Variants in SGTB observed in about 807,000 individuals in gnomAD.
The protein encoded by SGTB is small glutamine rich tetratricopeptide repeat co-chaperone beta, also known as small glutamine-rich tetratricopeptide repeat-containing protein beta.
A neutral mutation model predicts 43.9 loss-of-function variants in SGTB; 19 were observed. The ratio of observed to expected loss-of-function variants is 0.43; its 90% confidence interval spans 0.30 to 0.63. SGTB has a LOEUF of 0.63. SGTB is among the 30% of genes least tolerant of loss of function. The probability of loss-of-function intolerance (pLI) is 0.12; values close to 1 mark genes in which losing one functional copy is unlikely to be tolerated. For missense variants in SGTB, 304 were observed against 358.9 expected (o/e 0.85, Z 1.24); for synonymous variants, 116 against 117.3 (o/e 0.99, Z 0.07).
At chr5:65,720,387 T>C (rs1323687533) in intron 2 of SGTB, among the ~76,000 whole-genome samples, 1 of 152,126 alleles carries the variant, frequency 6.6e-6, no homozygotes, top group Admixed American at 6.6e-5. Context: ...TGGCCCTGGT[T>C]TTATTTTCTC....
chr5:65,696,558 T>C (rs1237945105), intron 5 of SGTB, among the ~76,000 whole-genome samples: 1 of 152,160 alleles, frequency 6.6e-6, no homozygotes, highest in African/African-American at 2.4e-5. Flanking sequence ...ATTGGCTGAA[T>C]TCCTACAAGG....
At chr5:65,698,133 C>T (rs985411508) in intron 5 of SGTB, among the ~76,000 whole-genome samples, 2 of 152,054 alleles carry the variant, frequency 1.3e-5, no homozygotes, top group African/African-American at 2.4e-5. Flanking sequence ...CCATGCCTGG[C>T]TAGGATGGTA....
At chr5:65,686,596 C>T (rs1757504648) in intron 5 of SGTB, among the ~76,000 whole-genome samples, 1 of 151,652 alleles carries the variant, frequency 6.6e-6, no homozygotes, top group East Asian at 1.9e-4. Flanking sequence ...TGGGCTCATG[C>T]TATCCTCCCG....
chr5:65,680,655 C>G lies in SGTB; in HGVS notation c.618+1G>C. ...TCACTCATTTGGCATTAACAACTTACAGGACTGGATACCTCTCTTAACTTC... is the reference window on the plus strand; with the variant it reads ...TCACTCATTTGGCATTAACAACTTAGAGGACTGGATACCTCTCTTAACTTC... On this transcript the variant is annotated splice_donor_variant, in intron 7 of 10. Coordinates refer to ENST00000381007, the MANE Select transcript of SGTB (RefSeq NM_019072.3). LOFTEE classifies it high-confidence loss of function. 1 of 1,613,932 alleles carries G rather than the reference C, an allele frequency of 6.2e-7. No individual in the cohort carries two copies. Among genetic ancestry groups the G allele is most frequent in the Non-Finnish European group, 8.5e-7 (1 of 1,179,958 alleles).
chr5:65,718,867 C>A (rs1257346959), intron 2 of SGTB, among the ~76,000 whole-genome samples: 1 of 152,126 alleles, frequency 6.6e-6, no homozygotes, highest in African/African-American at 2.4e-5. Flanking sequence ...AAAAAAAACC[C>A]TCAATTTTCT....
In SGTB at chr5:65,666,003, T is replaced by C. The variant is rs920803389; in HGVS notation, c.*4243A>G. 3 of 152,552 alleles carry C rather than the reference T, an allele frequency of 2.0e-5. No homozygotes were observed. The highest frequency in any genetic ancestry group is 2.9e-5 in the Non-Finnish European group (2 of 67,978). The allele number at this position is 152,552 out of a possible 1,614,324, so 9.4% of individuals were successfully genotyped here. A position where few individuals can be genotyped will look rare whatever the true frequency, so the allele number is the denominator to read the frequency against. ...AAAATGAAAGCTATATTCAGAAGGTTTGCACCTCAAAATTGAGTAATAATT... is the reference window on the plus strand; with the variant it reads ...AAAATGAAAGCTATATTCAGAAGGTCTGCACCTCAAAATTGAGTAATAATT... On this transcript the variant is annotated 3_prime_UTR_variant, in exon 11 of 11. Transcript: ENST00000381007.
intron 6 of SGTB, 94 bp downstream of exon 6, chr5:65,685,274 G>T: frequency 9.7e-7 from 1 of 1,033,322 alleles, no homozygotes; most frequent in Non-Finnish European, 1.5e-6. Flanking sequence ...AGTTCAGAGG[G>T]TAAAACATTA....
intron 4 of SGTB, among the ~76,000 whole-genome samples, chr5:65,708,046 T>C: frequency 6.6e-6 from 1 of 152,328 alleles, no homozygotes; most frequent in Non-Finnish European, 1.5e-5. Context: ...TAGTATAAAA[T>C]TTAATAATGT....
chr5:65,709,032 C>A (rs1437084931), intron 3 of SGTB, among the ~76,000 whole-genome samples: 2 of 110,034 alleles, frequency 1.8e-5, no homozygotes, highest in Non-Finnish European at 3.9e-5. Flanking sequence ...CAGAGCCAGA[C>A]CCTGTCTCAA....
chr5:65,715,839 G>A (rs1758136627), intron 2 of SGTB, among the ~76,000 whole-genome samples: 1 of 152,172 alleles, frequency 6.6e-6, no homozygotes, highest in Non-Finnish European at 1.5e-5. Flanking sequence ...GCGTAATCTT[G>A]GCTCACTGTA....
intron 5 of SGTB, among the ~76,000 whole-genome samples, chr5:65,690,012 A>G (rs1274359277): frequency 6.6e-6 from 1 of 152,064 alleles, no homozygotes; most frequent in East Asian, 1.9e-4. Context: ...ACAAAGTAAC[A>G]GCAGGACAAG....
intron 8 of SGTB, among the ~76,000 whole-genome samples, chr5:65,674,438 A>G (rs1210818998): frequency 6.6e-6 from 1 of 152,198 alleles, no homozygotes; most frequent in Non-Finnish European, 1.5e-5. Flanking sequence ...TCATCAGTAC[A>G]GTAACTGCCC....
At chr5:65,686,969 G>A (rs1199679996) in intron 5 of SGTB, among the ~76,000 whole-genome samples, 1 of 152,070 alleles carries the variant, frequency 6.6e-6, no homozygotes, top group Non-Finnish European at 1.5e-5. Context: ...TACAAATACT[G>A]GATGTACATA....
chr5:65,679,768 A>G (rs1334494419), intron 8 of SGTB, among the ~76,000 whole-genome samples: 1 of 152,208 alleles, frequency 6.6e-6, no homozygotes, highest in East Asian at 1.9e-4. Context: ...TTCCTCAAAG[A>G]CCTAGAAGCA....
chr5:65,713,169 T>C, intron 2 of SGTB, 105 bp from the exon 3 acceptor site: 1 of 772,054 alleles, frequency 1.3e-6, no homozygotes. Flanking sequence ...GTATTTATGA[T>C]CACAGAACAT....
intron 10 of SGTB, 60 bp from the exon 11 acceptor site, chr5:65,670,417 A>G (rs1757133051): frequency 1.4e-6 from 2 of 1,409,270 alleles, no homozygotes; most frequent in Non-Finnish European, 2.0e-6. Flanking sequence ...TACCCACGCA[A>G]AAAGAAATGC....
chr5:65,675,741 T>C (rs1021609444), intron 8 of SGTB, among the ~76,000 whole-genome samples: 1 of 152,066 alleles, frequency 6.6e-6, no homozygotes, highest in African/African-American at 2.4e-5. Context: ...CTGGTCAAAC[T>C]AAGCTTCATA....
At chr5:65,699,319 G>A (rs1757769044) in intron 5 of SGTB, among the ~76,000 whole-genome samples, 1 of 152,212 alleles carries the variant, frequency 6.6e-6, no homozygotes, top group South Asian at 2.1e-4. Context: ...TCACTTATAA[G>A]TAGGAGCTAA....
chr5:65,686,092 T>C (rs1454820426), intron 5 of SGTB, among the ~76,000 whole-genome samples: 5 of 151,776 alleles, frequency 3.3e-5, no homozygotes, highest in African/African-American at 1.2e-4. Context: ...CGTTTCCAAA[T>C]AGGAAGAAAT....
Sources: allele counts gnomAD v4.1 joint callset (sites outside exome capture counted in the v4.1 genomes callset), GRCh38; gene constraint gnomAD v4.1.1; transcripts MANE v1.5; gene names NCBI Gene and HGNC (gene_info 2026-07-23, HGNC 2026-07-21).